USP13: variants seen among roughly 807,000 people sequenced by gnomAD.
The protein encoded by USP13 is ubiquitin specific peptidase 13, also known as ubiquitin carboxyl-terminal hydrolase 13.
A neutral mutation model predicts 107.8 loss-of-function variants in USP13; 68 were observed. The ratio of observed to expected loss-of-function variants is 0.63; its 90% CI spans 0.52 to 0.77. USP13 has a LOEUF of 0.77. Ranked by LOEUF, USP13 falls within the 30% of genes least tolerant of loss-of-function variation. USP13 has a pLI of 0.00. For missense variants in USP13, 945 were observed against 1,093.3 expected, an observed-to-expected ratio of 0.86 and a Z score of 1.91; for synonymous variants, 377 against 389.5, an observed-to-expected ratio of 0.97 and a Z score of 0.38.
intron 17 of USP13, among the ~76,000 whole-genome samples, chr3:179,762,538 G>A (rs1290742596): frequency 6.6e-5 from 10 of 152,094 alleles, no homozygotes; most frequent in South Asian, 2.1e-4. Context: ...CTGAGATCAC[G>A]CCACTGCCCT....
At chr3:179,663,750 G>A (rs1323704151) in intron 1 of USP13, among the ~76,000 whole-genome samples, 1 of 152,160 alleles carries the variant, frequency 6.6e-6, no homozygotes, top group Non-Finnish European at 1.5e-5. Context: ...CTGCCCCTCT[G>A]CTTACTTTCT....
At chr3:179,734,335 C>A (rs1173297181) in intron 10 of USP13, among the ~76,000 whole-genome samples, 1 of 152,116 alleles carries the variant, frequency 6.6e-6, no homozygotes, top group Non-Finnish European at 1.5e-5. Context: ...AAAATATTTT[C>A]TCTATCTTTA....
At position 179,653,428 on chromosome 3, in the gene USP13, C is replaced by G; in HGVS notation, c.168+35C>G. On this transcript the variant is annotated intron_variant, in intron 1 of 20. Transcript: ENST00000263966. The surrounding 1 kb of genome is among the most constrained non-coding windows in gnomAD (Gnocchi z 4.0). ...GCGCCTCGGGGGAGGGTCGCGGGGCCGGCGGCCTGCGGCACGTGAAGCCGG... is the reference window on the plus strand; with the variant it reads ...GCGCCTCGGGGGAGGGTCGCGGGGCGGGCGGCCTGCGGCACGTGAAGCCGG... 2 of 1,535,194 alleles carry G rather than the reference C, an allele frequency of 1.3e-6. No homozygotes were observed. The highest frequency in any genetic ancestry group is 1.2e-5 in the South Asian group (1 of 83,334).
At chr3:179,764,482 A>T (rs1174596187) in intron 18 of USP13, among the ~76,000 whole-genome samples, 1 of 152,154 alleles carries the variant, frequency 6.6e-6, no homozygotes, top group African/African-American at 2.4e-5. Context: ...GTGGCCCTAG[A>T]GGAAAGAGGG....
rs954094332 is a variant in USP13 at position 179,786,979 on chromosome 3, A to G, written c.*2838A>G. The G allele has an allele frequency of 1.3e-5, 2 of 152,236 alleles. No homozygotes were observed. The highest frequency in any genetic ancestry group is 4.8e-5 in the African/African-American group (2 of 41,466). The allele number at this position is 152,236 out of a possible 1,614,324, so 9.4% of individuals were successfully genotyped here. On this transcript the variant is annotated 3_prime_UTR_variant, in exon 21 of 21. Coordinates refer to ENST00000263966, the MANE Select transcript of USP13 (RefSeq NM_003940.3). ...ATTTTGCCAATTGATCTAAATGCCCATATAACTAATCAGAAATCCAGTTTG... is the reference window on the plus strand; with the variant it reads ...ATTTTGCCAATTGATCTAAATGCCCGTATAACTAATCAGAAATCCAGTTTG...
chr3:179,766,629 G>A (rs546353873), intron 19 of USP13, among the ~76,000 whole-genome samples: 2 of 152,294 alleles, frequency 1.3e-5, no homozygotes, highest in South Asian at 4.1e-4. Flanking sequence ...AAACACTTAT[G>A]TATGTCACTA....
At chr3:179,725,736 C>T (rs541527631) in intron 8 of USP13, among the ~76,000 whole-genome samples, 3 of 152,186 alleles carry the variant, frequency 2.0e-5, no homozygotes, top group Non-Finnish European at 2.9e-5. Flanking sequence ...TATTGAGTGT[C>T]TTTTACATGT....
At chr3:179,736,777 TCTC>T (rs1280339218) in intron 10 of USP13, among the ~76,000 whole-genome samples, 1 of 152,172 alleles carries the variant, frequency 6.6e-6, no homozygotes, top group African/African-American at 2.4e-5. Context: ...TATTGAAACT[TCTC>T]CTTCTGGTTG....
chr3:179,696,785 A>G (rs1164623967), intron 3 of USP13, among the ~76,000 whole-genome samples: 3 of 152,174 alleles, frequency 2.0e-5, no homozygotes, highest in African/African-American at 7.2e-5. Flanking sequence ...AGTTTGGGGT[A>G]TAAGCTGATA....
At chr3:179,719,478 CA>C in intron 6 of USP13, among the ~76,000 whole-genome samples, 1 of 152,230 alleles carries the variant, frequency 6.6e-6, no homozygotes, top group African/African-American at 2.4e-5. Context: ...TTCATTTTCT[CA>C]GATGGAACAA....
chr3:179,784,199 A>G lies in USP13; in HGVS notation c.*58A>G. ...ATACGCCTTTTTAATTTGCCAAAAA[A>G]AAAAAGAAGAAGAAGAAGTTGAAAC... On this transcript the variant is annotated 3_prime_UTR_variant, in exon 21 of 21. Transcript: ENST00000263966. 7.5e-7 allele frequency: 1 copy of G among 1,332,438 alleles called. No homozygotes were observed. The highest frequency in any genetic ancestry group is 1.1e-6 in the Non-Finnish European group (1 of 950,700). 82.5% of individuals were successfully genotyped at this position (1,332,438 alleles called of 1,614,324 possible).
intron 8 of USP13, among the ~76,000 whole-genome samples, chr3:179,723,557 A>T (rs1180221237): frequency 6.6e-6 from 1 of 152,234 alleles, no homozygotes; most frequent in Non-Finnish European, 1.5e-5. Context: ...ATGCATGTGC[A>T]GGAGGAGTGA....
intron 6 of USP13, among the ~76,000 whole-genome samples, chr3:179,713,697 G>A (rs1194719110): frequency 2.0e-5 from 3 of 152,116 alleles, no homozygotes; most frequent in Non-Finnish European, 2.9e-5. Flanking sequence ...GTTTATGTCC[G>A]CTTGACCAGT....
intron 16 of USP13, among the ~76,000 whole-genome samples, chr3:179,757,926 C>T (rs1019457939): frequency 1.2e-4 from 18 of 152,134 alleles, no homozygotes; most frequent in Non-Finnish European, 8.8e-5. Flanking sequence ...GTTCCCACTG[C>T]GAATAATCTA....
intron 19 of USP13, among the ~76,000 whole-genome samples, chr3:179,767,248 A>G (rs968887038): frequency 1.3e-5 from 2 of 152,176 alleles, no homozygotes; most frequent in Non-Finnish European, 2.9e-5. Context: ...CAGTAACCTT[A>G]TGAGGTACAT....
chr3:179,665,160 G>C (rs1720552191), intron 1 of USP13, among the ~76,000 whole-genome samples: 2 of 152,202 alleles, frequency 1.3e-5, no homozygotes, highest in Non-Finnish European at 1.5e-5. Flanking sequence ...CTGACTTATG[G>C]CTTCCTGTGC....
intron 8 of USP13, among the ~76,000 whole-genome samples, chr3:179,729,190 G>T (rs959819311): frequency 1.4e-4 from 22 of 152,124 alleles, no homozygotes; most frequent in African/African-American, 4.1e-4. Context: ...CAAGGAGTTG[G>T]GTGGGGCCAG....
chr3:179,682,143 T>G (rs1711682607), intron 2 of USP13, 140 bp downstream of exon 2: 1 of 1,111,622 alleles, frequency 9.0e-7, no homozygotes, highest in Non-Finnish European at 1.2e-6. Flanking sequence ...ACAGCACTGC[T>G]TGCAAAATCC....
rs72622566 is a variant in USP13 at position 179,688,341 on chromosome 3, C to T, written c.295-1900C>T. Among the ~76,000 whole-genome samples, 1,182 of 152,290 alleles carry T rather than the reference C, an allele frequency of 7.8e-3. 27 individuals are homozygous for T. The highest frequency in any genetic ancestry group is 0.062 in the East Asian group (322 of 5,184). On this transcript the variant is annotated intron_variant, in intron 2 of 20. Coordinates refer to ENST00000263966, the MANE Select transcript of USP13 (RefSeq NM_003940.3). ...AAATGAACTGCTCATTTCCTCCTTA[C>T]GATATGACTGTGCCTTTTTTGAATC...
Sources: gnomAD v4.1 joint callset for allele counts (sites outside exome capture counted in the v4.1 genomes callset) on GRCh38, gnomAD v4.1.1 for gene constraint, Gnocchi (gnomAD v3.1) non-coding constraint, MANE v1.5 for transcripts, NCBI Gene and HGNC (gene_info 2026-07-23, HGNC 2026-07-21) for gene names.